The following SPAG16 variants were observed in gnomAD, a reference collection of about 807,000 sequenced individuals.
The protein encoded by SPAG16 is sperm associated antigen 16, also known as sperm-associated antigen 16 protein.
A neutral mutation model predicts 80.4 loss-of-function variants in SPAG16; 86 were observed. The observed-to-expected ratio is 1.07, with a 90% CI of 0.90 to 1.28. SPAG16 has a LOEUF of 1.28. Among genes scored for constraint, SPAG16 ranks in the 50% most tolerant of loss-of-function variants. The pLI, the probability that SPAG16 is intolerant of heterozygous loss-of-function variation, is 0.00. For synonymous variants in SPAG16, 294 were observed against 265.9 expected (o/e 1.11, Z -1.03); for missense variants, 870 against 765.3 (o/e 1.14, Z -1.61).
chr2:213,358,393 C>G (rs1239600761), intron 7 of SPAG16, among the ~76,000 whole-genome samples: 1 of 152,164 alleles, frequency 6.6e-6, no homozygotes, highest in Non-Finnish European at 1.5e-5. Context: ...TTCAGGTACA[C>G]CAATCAAATG....
At chr2:214,401,742 G>GAC in intron 15 of SPAG16, among the ~76,000 whole-genome samples, 1 of 151,912 alleles carries the variant, frequency 6.6e-6, no homozygotes, top group South Asian at 2.1e-4. Context: ...CACTATTACT[G>GAC]ACTATATAAA....
intron 10 of SPAG16, among the ~76,000 whole-genome samples, chr2:213,826,377 T>G (rs867984524): frequency 8.6e-5 from 13 of 152,008 alleles, no homozygotes; most frequent in African/African-American, 2.7e-4. Flanking sequence ...TAGGCACTTA[T>G]AGCTATAAAC....
chr2:213,967,724 G>C (rs1209391729), intron 12 of SPAG16, among the ~76,000 whole-genome samples: 1 of 152,122 alleles, frequency 6.6e-6, no homozygotes, highest in East Asian at 1.9e-4. Context: ...GTTTATTAAA[G>C]GTAGCATTTT....
intron 13 of SPAG16, among the ~76,000 whole-genome samples, chr2:214,062,396 G>A (rs1481640569): frequency 1.4e-5 from 2 of 146,208 alleles, no homozygotes; most frequent in East Asian, 2.0e-4. Flanking sequence ...TCCAGCCTGG[G>A]CGGCAGAGCA....
chr2:213,754,703 T>G (rs1402999609), intron 10 of SPAG16, among the ~76,000 whole-genome samples: 2 of 19,092 alleles, frequency 1.0e-4, no homozygotes, highest in Non-Finnish European at 4.5e-4. Flanking sequence ...AATTAATGTA[T>G]CACAGCCCAA....
intron 10 of SPAG16, among the ~76,000 whole-genome samples, chr2:213,764,053 C>T (rs145336806): frequency 1.1e-4 from 16 of 152,134 alleles, no homozygotes; most frequent in African/African-American, 3.6e-4. Context: ...CTCTAAGATA[C>T]CCTCAAAGAC....
chr2:213,713,950 A>G (rs2066120077), intron 10 of SPAG16, among the ~76,000 whole-genome samples: 1 of 152,210 alleles, frequency 6.6e-6, no homozygotes, highest in Non-Finnish European at 1.5e-5. Context: ...GTAACCATTC[A>G]CAAAGAACAA....
chr2:213,818,888 A>G (rs994637364), intron 10 of SPAG16, among the ~76,000 whole-genome samples: 29 of 152,174 alleles, frequency 1.9e-4, no homozygotes, highest in Non-Finnish European at 1.8e-4. Context: ...GCCTTCTGCC[A>G]TGATTGTAAG....
chr2:214,270,721 T>C (rs2125891606), intron 15 of SPAG16, among the ~76,000 whole-genome samples: 1 of 152,272 alleles, frequency 6.6e-6, no homozygotes, highest in Non-Finnish European at 1.5e-5. Context: ...CGTGGTTGTC[T>C]CCATAGCGCC....
At chr2:214,159,682 A>G (rs929801746) in intron 15 of SPAG16, among the ~76,000 whole-genome samples, 15 of 151,974 alleles carry the variant, frequency 9.9e-5, no homozygotes, top group Non-Finnish European at 1.9e-4. Context: ...CACTTGTTCT[A>G]TAAGAGAAGT....
At chr2:213,567,336 T>C (rs1358774966) in intron 10 of SPAG16, among the ~76,000 whole-genome samples, 4 of 127,298 alleles carry the variant, frequency 3.1e-5, no homozygotes, top group Non-Finnish European at 4.9e-5. Context: ...CACCCACTAA[T>C]GTGTCATCTA....
At chr2:214,083,124 A>G (rs2051493233) in intron 13 of SPAG16, among the ~76,000 whole-genome samples, 1 of 152,202 alleles carries the variant, frequency 6.6e-6, no homozygotes, top group Admixed American at 6.5e-5. Flanking sequence ...TGTCAATAAT[A>G]CTACCATCTA....
At chr2:213,982,762 G>A (rs1032043364) in intron 12 of SPAG16, among the ~76,000 whole-genome samples, 1 of 151,714 alleles carries the variant, frequency 6.6e-6, no homozygotes, top group African/African-American at 2.4e-5. Flanking sequence ...AACATGAGAT[G>A]ACAATTGGAA....
chr2:213,472,235 G>T lies in SPAG16; in HGVS notation c.943-17728G>T, dbSNP rs1481785964. ...GTTGAAAGCAAATTGCTTCTAGTGG[G>T]CCTTATGGACAGGAATGGAGAAAAA... On this transcript the variant is annotated intron_variant, in intron 9 of 15. Coordinates refer to ENST00000331683, the MANE Select transcript of SPAG16 (RefSeq NM_024532.5). Among the ~76,000 whole-genome samples the T allele has an allele frequency of 6.6e-5, 10 of 152,198 alleles. No individual in the cohort carries two copies. The East Asian group carries it at 1.7e-3, about 26-fold the overall frequency.
In SPAG16 at chr2:214,244,984, CT is replaced by C. The variant is rs1443696555; in HGVS notation, c.1720+95722del. ...TGCTTTCTTAACTACATTTCCAAAC[CT>C]TTTACTATGCCAGGACATTCTTCAG... On this transcript the variant is annotated intron_variant, in intron 15 of 15. Coordinates refer to ENST00000331683, the MANE Select transcript of SPAG16 (RefSeq NM_024532.5). Among the ~76,000 whole-genome samples, 3 of 152,164 alleles carry C rather than the reference CT, an allele frequency of 2.0e-5. No individual in the cohort carries two copies. In the East Asian group the frequency reaches 5.8e-4, roughly 29 times the overall value.
intron 7 of SPAG16, among the ~76,000 whole-genome samples, chr2:213,359,854 A>T (rs1217538913): frequency 6.6e-6 from 1 of 152,162 alleles, no homozygotes; most frequent in African/African-American, 2.4e-5. Flanking sequence ...TTCTGTGTTG[A>T]TCACACTGGG....
chr2:213,824,763 C>T (rs1044831380), intron 10 of SPAG16, among the ~76,000 whole-genome samples: 1 of 151,904 alleles, frequency 6.6e-6, no homozygotes, highest in African/African-American at 2.4e-5. Flanking sequence ...ATTGCTTTTT[C>T]TTTCTGGGAA....
At position 214,188,532 on chromosome 2, in the gene SPAG16, T is replaced by G. The variant is rs1470187779; in HGVS notation, c.1720+39266T>G. On this transcript the variant is annotated intron_variant, in intron 15 of 15. Transcript: ENST00000331683. Reference sequence around the variant, plus strand: ...ACTTATTAAACTAAATATCTGGATCTATTTCTCTGTATTTCAAAACCAAAC... The same window carrying G: ...ACTTATTAAACTAAATATCTGGATCGATTTCTCTGTATTTCAAAACCAAAC... Among the ~76,000 whole-genome samples, 6 of 152,312 alleles carry G rather than the reference T, an allele frequency of 3.9e-5. No homozygotes were observed. In the East Asian group the frequency reaches 1.2e-3, roughly 29 times the overall value.
chr2:214,028,542 A>G (rs1487841887), intron 13 of SPAG16, among the ~76,000 whole-genome samples: 1 of 152,078 alleles, frequency 6.6e-6, no homozygotes, highest in African/African-American at 2.4e-5. Context: ...TGGATGATAC[A>G]TATATCCTAA....
Sources: allele counts gnomAD v4.1 joint callset (sites outside exome capture counted in the v4.1 genomes callset), GRCh38; gene constraint gnomAD v4.1.1; transcripts MANE v1.5; gene names NCBI Gene and HGNC (gene_info 2026-07-23, HGNC 2026-07-21).